LIMS2: variants seen among roughly 807,000 people sequenced by gnomAD.
LIMS2 encodes LIM zinc finger domain containing 2.
In LIMS2, 30 loss-of-function variants were observed where a neutral mutation model predicts 45.3. The observed-to-expected ratio is 0.66, with a 90% CI of 0.50 to 0.90. LIMS2 has a LOEUF of 0.90. LIMS2 is among the 40% of genes least tolerant of loss of function. LIMS2 has a pLI of 0.00. For synonymous variants in LIMS2, 173 were observed against 188.0 expected (o/e 0.92, Z 0.65); for missense variants, 485 against 468.7 (o/e 1.03, Z -0.32).
chr2:127,644,186 C>A, intron 4 of LIMS2: 1 of 442,866 alleles, frequency 2.3e-6, no homozygotes, highest in Non-Finnish European at 4.6e-6. Context: ...CCAGCAGTCA[C>A]TGGCTAAGCT....
chr2:127,657,726 G>A (rs890213791), intron 1 of LIMS2, among the ~76,000 whole-genome samples, 164 bp from the exon 2 acceptor site: 2 of 152,210 alleles, frequency 1.3e-5, no homozygotes, highest in African/African-American at 4.8e-5. Context: ...CTCAGTGCTT[G>A]TAGTGCCCAC....
chr2:127,662,758 G>T (rs1445844475), intron 1 of LIMS2, among the ~76,000 whole-genome samples: 1 of 151,796 alleles, frequency 6.6e-6, no homozygotes, highest in East Asian at 1.9e-4. Flanking sequence ...CAAACCTGCA[G>T]GTTGTGCACA....
At chr2:127,660,682 G>T (rs950208661) in intron 1 of LIMS2, among the ~76,000 whole-genome samples, 4 of 151,718 alleles carry the variant, frequency 2.6e-5, no homozygotes, top group African/African-American at 4.9e-5. Flanking sequence ...TCACCGTGAG[G>T]GTCCATGGCT....
intron 2 of LIMS2, among the ~76,000 whole-genome samples, chr2:127,656,318 C>T (rs1416251594): frequency 6.6e-6 from 1 of 152,046 alleles, no homozygotes. Context: ...TAATTCAGCT[C>T]CTGGTCCCCC....
At position 127,642,944 on chromosome 2, in the gene LIMS2, T is replaced by A; in HGVS notation, c.488A>T (p.His163Leu). Reference sequence around the variant, plus strand: ...CTACCCACAGTGGGTGCAGTTGAAGTGGTCAGGGTGGTAGGCGTCGCTCCT... The same window carrying A: ...CTACCCACAGTGGGTGCAGTTGAAGAGGTCAGGGTGGTAGGCGTCGCTCCT... ...MFRSDAYHPDHFNCTHCGKEL... is the reference protein window; with the variant it reads ...MFRSDAYHPDLFNCTHCGKEL... The change falls in exon 5 of 10, where the codon CAC becomes CTC. Residue 163 changes from histidine to leucine, a missense_variant. Physicochemically the swap from His to Leu is moderately conservative, Grantham distance 99. Coordinates refer to ENST00000355119, the MANE Select transcript of LIMS2 (RefSeq NM_001161403.3). The surrounding 1 kb of genome is among the most constrained non-coding windows in gnomAD (Gnocchi z 5.3). 6.4e-7 allele frequency: 1 copy of A among 1,564,798 alleles called. No individual in the cohort carries two copies. The highest frequency in any genetic ancestry group is 8.7e-7 in the Non-Finnish European group (1 of 1,154,838).
chr2:127,656,273 T>C (rs112416205), intron 2 of LIMS2, among the ~76,000 whole-genome samples: 4,381 of 152,304 alleles, frequency 0.029, 233 homozygotes, highest in African/African-American at 0.098. Flanking sequence ...TGTGAGCTGG[T>C]GGGGGCCCCT....
Position 127,664,523 on chromosome 2 carries a change from G to A in LIMS2, c.12-6961C>T. On this transcript the variant is annotated intron_variant, in intron 1 of 9. Transcript: ENST00000355119. The surrounding 1 kb of genome is among the most constrained non-coding windows in gnomAD (Gnocchi z 5.5). Reference sequence around the variant, plus strand: ...ACGGGCGTGTGGGCGCCTCCCCCGCGCTGGTCGCGAGCTCACGTTACGCGC... The same window carrying A: ...ACGGGCGTGTGGGCGCCTCCCCCGCACTGGTCGCGAGCTCACGTTACGCGC... The A allele has an allele frequency of 1.7e-6, 2 of 1,152,888 alleles. No homozygotes were observed. Among genetic ancestry groups the A allele is most frequent in the Non-Finnish European group, 1.1e-6 (1 of 937,722 alleles). 71.4% of individuals were successfully genotyped at this position (1,152,888 alleles called of 1,614,324 possible). A position where few individuals can be genotyped will look rare whatever the true frequency, so the allele number is the denominator to read the frequency against.
Position 127,664,533 on chromosome 2 carries a change from A to T in LIMS2, c.12-6971T>A, listed in dbSNP as rs1684894637. On this transcript the variant is annotated intron_variant, in intron 1 of 9. Coordinates refer to ENST00000355119, the MANE Select transcript of LIMS2 (RefSeq NM_001161403.3). This position sits in a 1 kb window ranked among gnomAD's most constrained non-coding sequence, Gnocchi z 5.5. ...GGGCGCCTCCCCCGCGCTGGTCGCG[A>T]GCTCACGTTACGCGCTGGGATCTCC... 41 of 1,151,956 alleles carry T rather than the reference A, an allele frequency of 3.6e-5. No homozygotes were observed. Among genetic ancestry groups the T allele is most frequent in the Non-Finnish European group, 4.4e-5 (41 of 937,258 alleles). 71.4% of individuals were successfully genotyped at this position (1,151,956 alleles called of 1,614,324 possible).
chr2:127,655,070 T>C (rs904380001), intron 2 of LIMS2, 174 bp from the exon 3 acceptor site: 31 of 685,616 alleles, frequency 4.5e-5, no homozygotes, highest in Middle Eastern at 2.8e-4. Flanking sequence ...CACTGGCCCT[T>C]TTGGGATGGT....
chr2:127,640,824 T>A, intron 7 of LIMS2, 72 bp downstream of exon 7: 1 of 1,379,330 alleles, frequency 7.2e-7, no homozygotes. Context: ...GCCCACAGCC[T>A]CCCTTGCTCA....
chr2:127,679,518 G>A (rs1685570702), upstream of LIMS2, among the ~76,000 whole-genome samples: 1 of 152,074 alleles, frequency 6.6e-6, no homozygotes, highest in Admixed American at 6.5e-5. This position sits in a 1 kb window ranked among gnomAD's most constrained non-coding sequence, Gnocchi z 5.3. Context: ...TGAAGGAGGT[G>A]CAGCATCTCC....
intron 2 of LIMS2, chr2:127,655,362 G>A (rs963972231): frequency 4.0e-5 from 8 of 201,132 alleles, no homozygotes; most frequent in East Asian, 2.5e-4. Context: ...GCCTGGGCAC[G>A]GGGAAGTGGG....
At chr2:127,661,211 C>T (rs1277286451) in intron 1 of LIMS2, among the ~76,000 whole-genome samples, 1 of 152,244 alleles carries the variant, frequency 6.6e-6, no homozygotes, top group Non-Finnish European at 1.5e-5. Context: ...CAGCCACCAG[C>T]CTGGGACCTG....
At position 127,667,150 on chromosome 2, in the gene LIMS2, G is replaced by T. The variant is rs988034924; in HGVS notation, c.11+7864C>A. Among the ~76,000 whole-genome samples, 1 of 152,196 alleles carries T rather than the reference G, an allele frequency of 6.6e-6. No individual in the cohort carries two copies. Among genetic ancestry groups the T allele is most frequent in the Non-Finnish European group, 1.5e-5 (1 of 68,040 alleles). The stretch of plus-strand genomic sequence containing the variant: ...CTACAAACAAACATACAAAACACCA[G>T]TGTGGTGGCACATGCCTATAATCCC... On this transcript the variant is annotated intron_variant, in intron 1 of 9. Transcript: ENST00000355119. This position sits in a 1 kb window ranked among gnomAD's most constrained non-coding sequence, Gnocchi z 4.1.
upstream of LIMS2, among the ~76,000 whole-genome samples, chr2:127,678,927 T>G (rs1163903021): frequency 1.3e-5 from 2 of 152,088 alleles, no homozygotes; most frequent in South Asian, 2.1e-4. The surrounding 1 kb of genome is among the most constrained non-coding windows in gnomAD (Gnocchi z 5.3). Context: ...GAATTTCAAC[T>G]CTAGGGCTCC....
At chr2:127,651,215 T>C (rs1313790940) in intron 4 of LIMS2, 4 of 1,609,160 alleles carry the variant, frequency 2.5e-6, no homozygotes, top group Non-Finnish European at 3.4e-6. Context: ...TGGTGGTGGC[T>C]GTGGCCATGG....
chr2:127,675,850 G>T (rs185001992), upstream of LIMS2, among the ~76,000 whole-genome samples: 1 of 152,342 alleles, frequency 6.6e-6, no homozygotes, highest in Admixed American at 6.5e-5. Context: ...CTCTTCAGTC[G>T]CAAAGCTGCT....
At chr2:127,677,784 T>C (rs1573857514), upstream of LIMS2, among the ~76,000 whole-genome samples, 1 of 152,170 alleles carries the variant, frequency 6.6e-6, no homozygotes, top group African/African-American at 2.4e-5. This position sits in a 1 kb window ranked among gnomAD's most constrained non-coding sequence, Gnocchi z 5.0. Context: ...TTTCCATCTA[T>C]ATCAAGTTCT....
chr2:127,660,346 T>G lies in LIMS2; in HGVS notation c.12-2784A>C, dbSNP rs538435199. 6.2e-4 allele frequency among the ~76,000 whole-genome samples: 94 copies of G among 152,232 alleles called. 1 individual carries two copies. The highest frequency in any genetic ancestry group is 6.0e-3 in the South Asian group (29 of 4,816). On this transcript the variant is annotated intron_variant, in intron 1 of 9. Transcript: ENST00000355119. ...GGTTCCTTTGCTTGGTGTGGAAAGT[T>G]TGTTCTTTTGCTCTTTGTAGTAGCT...
Sources: allele counts gnomAD v4.1 joint callset (sites outside exome capture counted in the v4.1 genomes callset), GRCh38; gene constraint gnomAD v4.1.1; non-coding constraint Gnocchi (gnomAD v3.1); transcripts MANE v1.5; gene names NCBI Gene and HGNC (gene_info 2026-07-23, HGNC 2026-07-21).